The following ZMIZ1 variants were observed in gnomAD, a reference collection of about 807,000 sequenced individuals.
ZMIZ1 encodes zinc finger MIZ-type containing 1.
ZMIZ1 carries 17 observed loss-of-function variants against 113.9 expected under a neutral mutation model. The observed-to-expected ratio is 0.15, with a 90% CI of 0.10 to 0.22. The LOEUF is 0.22. Ranked by LOEUF, ZMIZ1 falls within the 10% of genes least tolerant of loss-of-function variation. The probability of loss-of-function intolerance (pLI) is 1.00; values close to 1 mark genes in which losing one functional copy is unlikely to be tolerated. For missense variants in ZMIZ1, 1,059 were observed against 1,477.8 expected (o/e 0.72, Z 4.65); for synonymous variants, 607 against 603.1 (o/e 1.01, Z -0.09).
At chr10:79,074,967 T>C (rs1445262718) in intron 1 of ZMIZ1, among the ~76,000 whole-genome samples, 1 of 152,224 alleles carries the variant, frequency 6.6e-6, no homozygotes. Flanking sequence ...GGCTGGGGTG[T>C]CTGAGCTAAT....
At chr10:79,115,222 C>G (rs984905167) in intron 1 of ZMIZ1, among the ~76,000 whole-genome samples, 1 of 152,204 alleles carries the variant, frequency 6.6e-6, no homozygotes, top group Non-Finnish European at 1.5e-5. Context: ...AAGGCATACT[C>G]TAGTCTAGAG....
intron 1 of ZMIZ1, among the ~76,000 whole-genome samples, chr10:79,104,925 TGTTGTTGTTGG>T (rs1334195332): frequency 6.6e-6 from 1 of 151,384 alleles, no homozygotes; most frequent in East Asian, 1.9e-4. Context: ...ATGTGGTTGC[TGTTGTTGTTGG>T]GTTGTTGTTG....
intron 7 of ZMIZ1, among the ~76,000 whole-genome samples, chr10:79,266,778 G>T (rs945248759): frequency 6.6e-6 from 1 of 152,182 alleles, no homozygotes; most frequent in Non-Finnish European, 1.5e-5. Flanking sequence ...TATTTCTGGG[G>T]CACCCAGCAG....
chr10:79,096,208 G>C (rs1843161248), intron 1 of ZMIZ1, among the ~76,000 whole-genome samples: 1 of 152,146 alleles, frequency 6.6e-6, no homozygotes, highest in Non-Finnish European at 1.5e-5. Flanking sequence ...TTTGCACAAG[G>C]AGTTAGAAAT....
intron 4 of ZMIZ1, among the ~76,000 whole-genome samples, chr10:79,171,526 C>T (rs190232301): frequency 6.6e-6 from 1 of 152,236 alleles, no homozygotes; most frequent in Non-Finnish European, 1.5e-5. Context: ...TTAGTAAGCA[C>T]CTACTATTTG....
Position 79,216,441 on chromosome 10 carries a change from T to C in ZMIZ1, c.280+167T>C, listed in dbSNP as rs138582687. On this transcript the variant is annotated intron_variant, in intron 7 of 24. Transcript: ENST00000334512. ...ATCCACCAGGCTCTGGGACCCACAGTTGGGGCTGTCCTCGTGCCTCTCCCA... is the reference window on the plus strand; with the variant it reads ...ATCCACCAGGCTCTGGGACCCACAGCTGGGGCTGTCCTCGTGCCTCTCCCA... The C allele has an allele frequency of 2.1e-4, 115 of 557,144 alleles. 2 individuals carry two copies. In the East Asian group the frequency reaches 2.6e-3, roughly 13 times the overall value. 34.5% of individuals were successfully genotyped at this position (557,144 alleles called of 1,614,324 possible).
Position 79,257,097 on chromosome 10 carries a change from T to G in ZMIZ1, c.281-20084T>G, listed in dbSNP as rs182234078. Among the ~76,000 whole-genome samples the G allele has an allele frequency of 1.6e-3, 237 of 152,280 alleles. 1 individual carries two copies. Among genetic ancestry groups the G allele is most frequent in the Admixed American group, 4.6e-3 (70 of 15,294 alleles). ...TGAGACCTCAGACAACACCAATAATTAAGCAAGCCCGAGTGAGCACATGCT... is the reference window on the plus strand; with the variant it reads ...TGAGACCTCAGACAACACCAATAATGAAGCAAGCCCGAGTGAGCACATGCT... On this transcript the variant is annotated intron_variant, in intron 7 of 24. Coordinates refer to ENST00000334512, the MANE Select transcript of ZMIZ1 (RefSeq NM_020338.4).
intron 1 of ZMIZ1, among the ~76,000 whole-genome samples, chr10:79,073,290 CTT>C (rs1842355111): frequency 6.6e-6 from 1 of 152,196 alleles, no homozygotes; most frequent in Non-Finnish European, 1.5e-5. Flanking sequence ...GCATGTGTCC[CTT>C]GAAGGCCTGG....
At chr10:79,280,865 G>A (rs1397314756) in intron 8 of ZMIZ1, among the ~76,000 whole-genome samples, 2 of 152,126 alleles carry the variant, frequency 1.3e-5, no homozygotes, top group African/African-American at 4.8e-5. Flanking sequence ...GAACCAAGCC[G>A]CTGAGCACAG....
At chr10:79,150,435 C>G (rs1435653514) in intron 3 of ZMIZ1, among the ~76,000 whole-genome samples, 2 of 152,264 alleles carry the variant, frequency 1.3e-5, no homozygotes, top group Non-Finnish European at 2.9e-5. Flanking sequence ...CTGCACCCCC[C>G]ACACATGCTA....
intron 6 of ZMIZ1, among the ~76,000 whole-genome samples, chr10:79,213,757 T>G (rs546699094): frequency 2.0e-5 from 3 of 152,006 alleles, no homozygotes; most frequent in Non-Finnish European, 4.4e-5. Flanking sequence ...GAGCCCAGAG[T>G]TTTCAGCTAG....
chr10:79,245,732 G>T (rs1170010689), intron 7 of ZMIZ1, among the ~76,000 whole-genome samples: 2 of 152,218 alleles, frequency 1.3e-5, no homozygotes, highest in Non-Finnish European at 2.9e-5. Context: ...GAGTGACTGA[G>T]CTGGGTCTAA....
At chr10:79,137,495 T>C (rs1402577325) in intron 2 of ZMIZ1, among the ~76,000 whole-genome samples, 1 of 151,858 alleles carries the variant, frequency 6.6e-6, no homozygotes, top group Non-Finnish European at 1.5e-5. Flanking sequence ...CCCTTCCCAC[T>C]CCCCCTCGGT....
At chr10:79,072,903 G>T (rs1376528499) in intron 1 of ZMIZ1, among the ~76,000 whole-genome samples, 1 of 152,214 alleles carries the variant, frequency 6.6e-6, no homozygotes, top group Non-Finnish European at 1.5e-5. Context: ...TGCCCTTTGG[G>T]GGAGTGCTCT....
At chr10:79,165,633 GC>G (rs56750698) in intron 4 of ZMIZ1, among the ~76,000 whole-genome samples, 3 of 152,148 alleles carry the variant, frequency 2.0e-5, no homozygotes, top group Admixed American at 2.0e-4. Context: ...GGCCTGGGGG[GC>G]CCTGACCACA....
At chr10:79,088,517 C>T (rs1036957443) in intron 1 of ZMIZ1, among the ~76,000 whole-genome samples, 5 of 152,210 alleles carry the variant, frequency 3.3e-5, no homozygotes, top group African/African-American at 9.6e-5. Flanking sequence ...TGCAGGACAG[C>T]ATTTTGTCGA....
In ZMIZ1 at chr10:79,284,811, C is replaced by T. The variant is rs75930145; in HGVS notation, c.426-4964C>T. On this transcript the variant is annotated intron_variant, in intron 8 of 24. Coordinates refer to ENST00000334512, the MANE Select transcript of ZMIZ1 (RefSeq NM_020338.4). ...TCTCTCCTGCTGGGCCTCCCTCTGT[C>T]GGCTGAATATTAACCTCAAAAAGGG... 3.9e-4 allele frequency among the ~76,000 whole-genome samples: 59 copies of T among 152,274 alleles called. No individual in the cohort carries two copies. The East Asian group carries it at 0.011, about 29-fold the overall frequency.
intron 4 of ZMIZ1, among the ~76,000 whole-genome samples, chr10:79,166,548 G>A (rs568208771): frequency 6.6e-6 from 1 of 152,352 alleles, no homozygotes; most frequent in South Asian, 2.1e-4. Flanking sequence ...GTACCGTCCT[G>A]GGCATGTGGG....
At chr10:79,188,593 C>T (rs1847451604) in intron 4 of ZMIZ1, among the ~76,000 whole-genome samples, 1 of 152,134 alleles carries the variant, frequency 6.6e-6, no homozygotes, top group Non-Finnish European at 1.5e-5. Context: ...CAGAGCCCAG[C>T]TTGGAGCTAG....
Sources: gnomAD v4.1 joint callset for allele counts (sites outside exome capture counted in the v4.1 genomes callset) on GRCh38, gnomAD v4.1.1 for gene constraint, MANE v1.5 for transcripts, NCBI Gene and HGNC (gene_info 2026-07-23, HGNC 2026-07-21) for gene names.